Variants in LRMDA observed in about 807,000 individuals in gnomAD.
LRMDA encodes leucine rich melanocyte differentiation associated.
In LRMDA, 18 loss-of-function variants were observed where a neutral mutation model predicts 29.8. The ratio of observed to expected loss-of-function variants is 0.60; its 90% CI spans 0.42 to 0.90. The LOEUF (loss-of-function observed/expected upper bound fraction) is 0.90. Ranked by LOEUF, LRMDA falls within the 40% of genes least tolerant of loss-of-function variation. LRMDA has a pLI of 0.00. For synonymous variants in LRMDA, 125 were observed against 109.4 expected (o/e 1.14, Z -0.89); for missense variants, 273 against 273.9 (o/e 1.00, Z 0.02).
rs77653814 is a variant in LRMDA, at chr10:76,307,330, G to C, written c.517-17071G>C. On this transcript the variant is annotated intron_variant, in intron 5 of 6. Transcript: ENST00000611255. Reference sequence around the variant, plus strand: ...TTTTGTTGATGTTGATGTCAGGATTGAGCCACTGCATAATGAGTTCAGTTT... The same window carrying C: ...TTTTGTTGATGTTGATGTCAGGATTCAGCCACTGCATAATGAGTTCAGTTT... Among the ~76,000 whole-genome samples the C allele has an allele frequency of 7.6e-3, 1,157 of 152,286 alleles. 15 individuals carry two copies. The highest frequency in any genetic ancestry group is 0.026 in the African/African-American group (1,092 of 41,560).
intron 2 of LRMDA, among the ~76,000 whole-genome samples, chr10:75,657,549 T>G (rs1362801298): frequency 6.6e-6 from 1 of 152,196 alleles, no homozygotes; most frequent in Non-Finnish European, 1.5e-5. Context: ...ACTTTCTAGT[T>G]GTGTGGCCCT....
rs1167344569 is a variant in LRMDA, at chr10:76,557,412, T to G, written c.*124T>G. 2 of 794,494 alleles carry G rather than the reference T, an allele frequency of 2.5e-6. No homozygotes were observed. The highest frequency in any genetic ancestry group is 3.5e-5 in the African/African-American group (2 of 57,510). The allele number at this position is 794,494 out of a possible 1,614,324, so 49.2% of individuals were successfully genotyped here. A position where few individuals can be genotyped will look rare whatever the true frequency, so the allele number is the denominator to read the frequency against. On this transcript the variant is annotated 3_prime_UTR_variant, in exon 7 of 7. Transcript: ENST00000611255. The stretch of plus-strand genomic sequence containing the variant: ...GCCTCTCTTTGGGAAAAGCTATGAC[T>G]TCAGCTTTTGGTACCTTCCGCTGAC...
At chr10:75,941,603 A>C (rs1411110750) in intron 2 of LRMDA, among the ~76,000 whole-genome samples, 1 of 152,138 alleles carries the variant, frequency 6.6e-6, no homozygotes, top group African/African-American at 2.4e-5. Context: ...CCTCGTGGGC[A>C]GATCTGCGAC....
rs554939946 is a variant in LRMDA, at chr10:76,328,272, C to T, written c.601+3787C>T. Among the ~76,000 whole-genome samples the T allele has an allele frequency of 1.3e-5, 2 of 152,226 alleles. 1 individual carries two copies. The highest frequency in any genetic ancestry group is 4.2e-4 in the South Asian group (2 of 4,812). On this transcript the variant is annotated intron_variant, in intron 6 of 6. Coordinates refer to ENST00000611255, the MANE Select transcript of LRMDA (RefSeq NM_001305581.2). The stretch of plus-strand genomic sequence containing the variant: ...ATATATTACGAGTACAGGACATGCC[C>T]CAGCGTGCCAGGTATTGCCGTTCTT...
At chr10:75,710,378 C>T (rs896942512) in intron 2 of LRMDA, among the ~76,000 whole-genome samples, 7 of 152,140 alleles carry the variant, frequency 4.6e-5, no homozygotes, top group East Asian at 3.8e-4. Context: ...ACTAACAATA[C>T]GGTTAATAGC....
chr10:76,151,041 C>A (rs1564667838), intron 5 of LRMDA, among the ~76,000 whole-genome samples: 1 of 152,114 alleles, frequency 6.6e-6, no homozygotes, highest in East Asian at 1.9e-4. Flanking sequence ...CCTGTATGCA[C>A]CTCTGAACAC....
intron 2 of LRMDA, among the ~76,000 whole-genome samples, chr10:75,591,818 C>CT (rs1840727624): frequency 2.0e-5 from 3 of 152,240 alleles, no homozygotes; most frequent in African/African-American, 7.2e-5. Context: ...GGATATTGCT[C>CT]TGAGTACAAC....
At chr10:75,780,578 A>G (rs969169438) in intron 2 of LRMDA, among the ~76,000 whole-genome samples, 4 of 152,320 alleles carry the variant, frequency 2.6e-5, no homozygotes, top group East Asian at 1.9e-4. Context: ...CATAGTTGAC[A>G]TCAGAGTCCA....
At chr10:75,782,826 C>G (rs1454470247) in intron 2 of LRMDA, 1 of 1,467,942 alleles carries the variant, frequency 6.8e-7, no homozygotes, top group Non-Finnish European at 9.0e-7. Flanking sequence ...TTAGCCAGCG[C>G]CGGCGTGCAT....
chr10:76,029,573 A>G (rs1012576669), intron 2 of LRMDA, among the ~76,000 whole-genome samples: 3 of 152,202 alleles, frequency 2.0e-5, no homozygotes, highest in Non-Finnish European at 4.4e-5. Context: ...ATATAACCTC[A>G]TGTATCCAAA....
At chr10:76,106,377 C>T (rs1007357599) in intron 5 of LRMDA, among the ~76,000 whole-genome samples, 12 of 152,214 alleles carry the variant, frequency 7.9e-5, no homozygotes, top group African/African-American at 2.9e-4. Flanking sequence ...ATTGCTTTCA[C>T]TGTAAACCTA....
intron 2 of LRMDA, among the ~76,000 whole-genome samples, chr10:75,983,490 A>G (rs918682015): frequency 2.0e-5 from 3 of 152,094 alleles, no homozygotes; most frequent in African/African-American, 7.2e-5. Flanking sequence ...ATATGTGTGT[A>G]TATATGTATA....
chr10:76,205,722 A>G (rs1254748248), intron 5 of LRMDA, among the ~76,000 whole-genome samples: 1 of 152,178 alleles, frequency 6.6e-6, no homozygotes, highest in Non-Finnish European at 1.5e-5. Context: ...AGTATGCTCT[A>G]GATGGCAGAG....
At chr10:76,411,369 C>T (rs1268507138) in intron 6 of LRMDA, among the ~76,000 whole-genome samples, 2 of 152,196 alleles carry the variant, frequency 1.3e-5, no homozygotes, top group Non-Finnish European at 2.9e-5. Context: ...TCTCAACTTC[C>T]ACTCTAAGCC....
intron 2 of LRMDA, among the ~76,000 whole-genome samples, chr10:76,006,969 C>G (rs1847673647): frequency 7.6e-6 from 1 of 130,750 alleles, no homozygotes; most frequent in African/African-American, 3.0e-5. Context: ...CTAAAGTTTG[C>G]AGGATGGAGA....
At position 75,972,371 on chromosome 10, in the gene LRMDA, C is replaced by G. The variant is rs181680575; in HGVS notation, c.132-63637C>G. Reference sequence around the variant, plus strand: ...TAGCTGACATTTTCCTCTATGGTGTCCCAAGGAAAAAACTTGTCCCCAAAT... The same window carrying G: ...TAGCTGACATTTTCCTCTATGGTGTGCCAAGGAAAAAACTTGTCCCCAAAT... On this transcript the variant is annotated intron_variant, in intron 2 of 6. Coordinates refer to ENST00000611255, the MANE Select transcript of LRMDA (RefSeq NM_001305581.2). Among the ~76,000 whole-genome samples the G allele has an allele frequency of 5.5e-4, 84 of 151,770 alleles. 1 individual carries two copies. In the East Asian group the frequency reaches 0.016, roughly 29 times the overall value.
At chr10:75,796,979 G>A (rs1843663954) in intron 2 of LRMDA, among the ~76,000 whole-genome samples, 1 of 152,132 alleles carries the variant, frequency 6.6e-6, no homozygotes, top group South Asian at 2.1e-4. Context: ...TTATCTACTG[G>A]CCTCAAGATG....
intron 6 of LRMDA, among the ~76,000 whole-genome samples, chr10:76,382,457 T>G (rs1306399995): frequency 6.6e-6 from 1 of 152,198 alleles, no homozygotes; most frequent in African/African-American, 2.4e-5. Flanking sequence ...CTGTTTCACT[T>G]AAATTTATGA....
chr10:75,441,495 A>G (rs1844326496), intron 2 of LRMDA, among the ~76,000 whole-genome samples: 1 of 152,198 alleles, frequency 6.6e-6, no homozygotes, highest in South Asian at 2.1e-4. Context: ...TAATTGTGGC[A>G]CACAGCAGGA....
Sources: allele counts gnomAD v4.1 joint callset (sites outside exome capture counted in the v4.1 genomes callset), GRCh38; gene constraint gnomAD v4.1.1; transcripts MANE v1.5; gene names NCBI Gene and HGNC (gene_info 2026-07-23, HGNC 2026-07-21).